Variants in NALCN observed in about 807,000 individuals in gnomAD.
NALCN encodes the protein sodium leak channel NALCN.
NALCN carries 111 observed loss-of-function variants against 225.3 expected under a neutral mutation model. The observed-to-expected ratio is 0.49, with a 90% CI of 0.42 to 0.58. The LOEUF is 0.58. Ranked by LOEUF, NALCN falls within the 20% of genes least tolerant of loss-of-function variation. The pLI is 0.00. For synonymous variants in NALCN, 764 were observed against 769.0 expected (o/e 0.99, Z 0.11); for missense variants, 1,378 against 2,202.4 (o/e 0.63, Z 7.49).
chr13:101,256,129 A>G (rs1040807228), intron 11 of NALCN, among the ~76,000 whole-genome samples: 3 of 152,096 alleles, frequency 2.0e-5, no homozygotes, highest in Non-Finnish European at 4.4e-5. Context: ...TGTTTAAGCC[A>G]CCCACATTCA....
chr13:101,275,241 TG>T (rs2042933209), intron 10 of NALCN, among the ~76,000 whole-genome samples: 1 of 152,142 alleles, frequency 6.6e-6, no homozygotes. Flanking sequence ...CAGCCATACT[TG>T]GGTAATATGC....
At chr13:101,129,604 T>C (rs1183171971) in intron 17 of NALCN, among the ~76,000 whole-genome samples, 1 of 152,212 alleles carries the variant, frequency 6.6e-6, no homozygotes, top group Non-Finnish European at 1.5e-5. Flanking sequence ...AAATGGTGTT[T>C]CAAGAACATA....
intron 14 of NALCN, among the ~76,000 whole-genome samples, chr13:101,184,606 A>G (rs1435953118): frequency 6.6e-6 from 1 of 152,196 alleles, no homozygotes; most frequent in Non-Finnish European, 1.5e-5. Context: ...AAGTATAATT[A>G]TTTCTTCCAA....
intron 36 of NALCN, 33 bp downstream of exon 36, chr13:101,074,481 G>A: frequency 1.3e-6 from 2 of 1,498,528 alleles, no homozygotes; most frequent in Non-Finnish European, 1.8e-6. Context: ...GGGTTTGCTT[G>A]ATAAATGAAT....
At chr13:101,234,146 A>C (rs2041461659) in intron 12 of NALCN, among the ~76,000 whole-genome samples, 1 of 152,152 alleles carries the variant, frequency 6.6e-6, no homozygotes, top group Non-Finnish European at 1.5e-5. Flanking sequence ...TACCCTGCAC[A>C]CTTCTTCCTT....
At chr13:101,092,798 C>T (rs929614849) in intron 28 of NALCN, among the ~76,000 whole-genome samples, 1 of 152,168 alleles carries the variant, frequency 6.6e-6, no homozygotes, top group Non-Finnish European at 1.5e-5. Flanking sequence ...ACCTGATCAC[C>T]TTCTTCCTAG....
At chr13:101,202,774 CT>C (rs1015996213) in intron 13 of NALCN, among the ~76,000 whole-genome samples, 1 of 152,224 alleles carries the variant, frequency 6.6e-6, no homozygotes, top group Non-Finnish European at 1.5e-5. Context: ...GCTGCTCCCC[CT>C]GGTGTAACTT....
intron 13 of NALCN, among the ~76,000 whole-genome samples, chr13:101,196,427 T>G (rs1266575301): frequency 6.6e-6 from 1 of 152,172 alleles, no homozygotes; most frequent in Non-Finnish European, 1.5e-5. Context: ...CTACCTGTTT[T>G]AATTTGAACT....
chr13:101,146,113 T>C (rs7999311), intron 15 of NALCN, among the ~76,000 whole-genome samples: 52,346 of 152,022 alleles, frequency 0.34, 9,318 homozygotes, highest in East Asian at 0.5. Flanking sequence ...AACTATCCTA[T>C]TGGTTGTGAG....
chr13:101,262,868 T>C (rs2140231099), intron 10 of NALCN, among the ~76,000 whole-genome samples: 1 of 152,262 alleles, frequency 6.6e-6, no homozygotes. Context: ...GTGGAGAAAA[T>C]AGTACCTACT....
intron 10 of NALCN, among the ~76,000 whole-genome samples, chr13:101,258,796 T>C (rs1442371642): frequency 6.6e-6 from 1 of 152,222 alleles, no homozygotes; most frequent in Non-Finnish European, 1.5e-5. Flanking sequence ...TCAGAGACTT[T>C]TGACTAAAAA....
At chr13:101,391,244 A>T (rs1048373184) in intron 3 of NALCN, among the ~76,000 whole-genome samples, 5 of 152,308 alleles carry the variant, frequency 3.3e-5, no homozygotes, top group Non-Finnish European at 7.4e-5. Flanking sequence ...AAAAAAATAC[A>T]AAATTAGGAG....
intron 9 of NALCN, among the ~76,000 whole-genome samples, chr13:101,289,965 G>C (rs1222209793): frequency 2.0e-5 from 3 of 152,170 alleles, no homozygotes; most frequent in Non-Finnish European, 1.5e-5. Flanking sequence ...TGCCTGAGTG[G>C]TGTTTCACCC....
At chr13:101,382,146 A>C (rs2046867475) in intron 3 of NALCN, among the ~76,000 whole-genome samples, 1 of 152,174 alleles carries the variant, frequency 6.6e-6, no homozygotes, top group Admixed American at 6.5e-5. Context: ...ATGTAGCAGC[A>C]CTACAATTAC....
At chr13:101,386,022 G>C (rs2046977713) in intron 3 of NALCN, among the ~76,000 whole-genome samples, 1 of 151,982 alleles carries the variant, frequency 6.6e-6, no homozygotes, top group Non-Finnish European at 1.5e-5. Context: ...ATGGTGGATG[G>C]TACTTTAATG....
At chr13:101,106,127 G>T (rs2035084047) in intron 22 of NALCN, among the ~76,000 whole-genome samples, 1 of 152,130 alleles carries the variant, frequency 6.6e-6, no homozygotes, top group Non-Finnish European at 1.5e-5. Flanking sequence ...TCCTTGACTT[G>T]TGGAGAGCCG....
At chr13:101,305,365 T>C (rs2044121306) in intron 7 of NALCN, among the ~76,000 whole-genome samples, 1 of 152,208 alleles carries the variant, frequency 6.6e-6, no homozygotes, top group South Asian at 2.1e-4. Flanking sequence ...GTTGAATAAA[T>C]TTGCTATTGC....
intron 13 of NALCN, among the ~76,000 whole-genome samples, chr13:101,197,599 T>C (rs1446865189): frequency 6.6e-6 from 1 of 152,158 alleles, no homozygotes; most frequent in Non-Finnish European, 1.5e-5. Context: ...ACTATACGGG[T>C]CAATCACTGT....
At chr13:101,244,649 C>T (rs1054318763) in intron 11 of NALCN, among the ~76,000 whole-genome samples, 1 of 152,106 alleles carries the variant, frequency 6.6e-6, no homozygotes, top group Non-Finnish European at 1.5e-5. Flanking sequence ...TAAAAATATG[C>T]CTAACTTAAC....
Sources: allele counts gnomAD v4.1 joint callset (sites outside exome capture counted in the v4.1 genomes callset), GRCh38; gene constraint gnomAD v4.1.1; transcripts MANE v1.5; gene names NCBI Gene and HGNC (gene_info 2026-07-23, HGNC 2026-07-21).